The following OTOP1 variants were observed in gnomAD, a reference collection of about 807,000 sequenced individuals.
OTOP1 encodes proton channel OTOP1.
In OTOP1, 59 loss-of-function variants were observed where a neutral mutation model predicts 52.9. That is an observed-to-expected ratio of 1.12 (90% confidence interval 0.91 to 1.39). The LOEUF (loss-of-function observed/expected upper bound fraction) is 1.39. OTOP1 is among the 40% of genes most tolerant of loss of function. The pLI is 0.00. For synonymous variants in OTOP1, 317 were observed against 337.7 expected, an observed-to-expected ratio of 0.94 and a Z score of 0.67; for missense variants, 761 against 800.9, an observed-to-expected ratio of 0.95 and a Z score of 0.60.
intron 1 of OTOP1, among the ~76,000 whole-genome samples, chr4:4,216,752 G>A (rs539837304): frequency 1.3e-5 from 2 of 152,308 alleles, no homozygotes; most frequent in Non-Finnish European, 2.9e-5. Flanking sequence ...GAGGCAGCGT[G>A]GTTGAGTGGC....
chr4:4,208,058 A>G (rs1162651682), intron 2 of OTOP1, among the ~76,000 whole-genome samples: 1 of 152,122 alleles, frequency 6.6e-6, no homozygotes, highest in African/African-American at 2.4e-5. Flanking sequence ...CTACTAAGAT[A>G]AAAAAACGTC....
At chr4:4,225,891 G>C (rs1438497238) in intron 1 of OTOP1, among the ~76,000 whole-genome samples, 1 of 152,200 alleles carries the variant, frequency 6.6e-6, no homozygotes, top group Non-Finnish European at 1.5e-5. Context: ...GGAGAAGGGG[G>C]TCGGAGAAGC....
At chr4:4,220,097 A>ATTTTT (rs1560211564) in intron 1 of OTOP1, among the ~76,000 whole-genome samples, 1 of 98,222 alleles carries the variant, frequency 1.0e-5, no homozygotes, top group African/African-American at 5.6e-5. Context: ...ATATATATAT[A>ATTTTT]TATATATATT....
rs566809910 is a variant in OTOP1, at chr4:4,225,916, G to A, written c.403+546C>T. On this transcript the variant is annotated intron_variant, in intron 1 of 5. Coordinates refer to ENST00000296358, the MANE Select transcript of OTOP1 (RefSeq NM_177998.3). ...GTCGGAGAAGCTTCGCGGGGAGAAT[G>A]GGGTGAGGCCTGAGCCCTGTCTCGG... Among the ~76,000 whole-genome samples the A allele has an allele frequency of 1.6e-4, 25 of 152,310 alleles. No individual in the cohort carries two copies. The East Asian group carries it at 4.1e-3, about 25-fold the overall frequency.
intron 3 of OTOP1, among the ~76,000 whole-genome samples, chr4:4,203,249 A>G (rs761492157): frequency 5.9e-5 from 9 of 152,232 alleles, no homozygotes; most frequent in Non-Finnish European, 1.2e-4. Context: ...TGTGGACATG[A>G]AGGCTGGAGT....
intron 5 of OTOP1, among the ~76,000 whole-genome samples, chr4:4,191,361 G>T (rs990036626): frequency 1.3e-5 from 2 of 152,166 alleles, no homozygotes; most frequent in East Asian, 1.9e-4. Context: ...ACATTTCATG[G>T]AAATCAGATC....
chr4:4,225,055 A>C (rs1717397328), intron 1 of OTOP1, among the ~76,000 whole-genome samples: 1 of 152,246 alleles, frequency 6.6e-6, no homozygotes, highest in South Asian at 2.1e-4. Context: ...AACTTGCCCA[A>C]GGTCATGCAT....
chr4:4,198,220 G>A (rs192640110), intron 4 of OTOP1, 117 bp from the exon 5 acceptor site: 5 of 793,514 alleles, frequency 6.3e-6, no homozygotes, highest in African/African-American at 3.5e-5. Context: ...ACTGGATTAT[G>A]AGCTTTATCA....
At chr4:4,208,194 A>T (rs1363149123) in intron 2 of OTOP1, among the ~76,000 whole-genome samples, 1 of 152,224 alleles carries the variant, frequency 6.6e-6, no homozygotes, top group Non-Finnish European at 1.5e-5. Flanking sequence ...GAAATTCAAC[A>T]CAGCTATTTT....
At chr4:4,212,040 G>A (rs760178611) in intron 2 of OTOP1, among the ~76,000 whole-genome samples, 2 of 152,110 alleles carry the variant, frequency 1.3e-5, no homozygotes, top group Admixed American at 6.5e-5. Context: ...CTTGACTGTA[G>A]TAATCACTTC....
At chr4:4,226,338 C>G (rs957881845) in intron 1 of OTOP1, 124 bp downstream of exon 1, 4 of 989,996 alleles carry the variant, frequency 4.0e-6, no homozygotes, top group Non-Finnish European at 5.5e-6. Flanking sequence ...GAAAGATGCA[C>G]AGAGAGACCA....
chr4:4,220,867 A>T (rs1404962227), intron 1 of OTOP1, among the ~76,000 whole-genome samples: 1 of 151,992 alleles, frequency 6.6e-6, no homozygotes, highest in African/African-American at 2.4e-5. Flanking sequence ...TAGAGGTGGA[A>T]AGTCCCACAG....
intron 2 of OTOP1, among the ~76,000 whole-genome samples, chr4:4,207,620 AG>A (rs1716935705): frequency 6.6e-6 from 1 of 151,578 alleles, no homozygotes; most frequent in Admixed American, 6.6e-5. Flanking sequence ...TATATCCAAA[AG>A]AAGTGAAAGC....
Position 4,221,519 on chromosome 4 carries a change from C to A in OTOP1, c.403+4943G>T, listed in dbSNP as rs1271617189. The stretch of plus-strand genomic sequence containing the variant: ...AGCCTTCCTGCAGACCTGGGCTCCT[C>A]CCAGGCCCCTGGTTGCAGCCCTGCT... On this transcript the variant is annotated intron_variant, in intron 1 of 5. Transcript: ENST00000296358. Among the ~76,000 whole-genome samples, 4 of 152,194 alleles carry A rather than the reference C, an allele frequency of 2.6e-5. No homozygotes were observed. The East Asian group carries it at 5.8e-4, about 22-fold the overall frequency.
At chr4:4,202,690 G>C (rs1716816308) in intron 3 of OTOP1, 112 bp from the exon 4 acceptor site, 1 of 1,386,738 alleles carries the variant, frequency 7.2e-7, no homozygotes, top group Non-Finnish European at 9.9e-7. Context: ...CCATGATTCT[G>C]GTTTCACCTG....
chr4:4,192,092 T>C (rs993166939), intron 5 of OTOP1, among the ~76,000 whole-genome samples: 3 of 152,176 alleles, frequency 2.0e-5, no homozygotes, highest in African/African-American at 7.2e-5. Context: ...TGTGACTACA[T>C]GACTAATAAA....
chr4:4,191,725 C>A (rs1308871790), intron 5 of OTOP1, among the ~76,000 whole-genome samples: 1 of 152,208 alleles, frequency 6.6e-6, no homozygotes, highest in African/African-American at 2.4e-5. Context: ...CACTTCTCTG[C>A]TTAACACAGG....
At position 4,219,084 on chromosome 4, in the gene OTOP1, G is replaced by A. The variant is rs199574572; in HGVS notation, c.404-6080C>T. On this transcript the variant is annotated intron_variant, in intron 1 of 5. Transcript: ENST00000296358. The stretch of plus-strand genomic sequence containing the variant: ...AAAGGAGGAAATAGGAACGTAAAAT[G>A]TATCATCATAAACATCGTAAAGAAA... 7.9e-5 allele frequency among the ~76,000 whole-genome samples: 12 copies of A among 152,176 alleles called. No homozygotes were observed. The East Asian group carries it at 2.3e-3, about 29-fold the overall frequency.
intron 1 of OTOP1, 134 bp from the exon 2 acceptor site, chr4:4,213,138 G>T: frequency 8.6e-7 from 1 of 1,167,084 alleles, no homozygotes; most frequent in Admixed American, 2.6e-5. Flanking sequence ...AGGGTGCCGA[G>T]ACCATTCAAT....
Sources: allele counts gnomAD v4.1 joint callset (sites outside exome capture counted in the v4.1 genomes callset), GRCh38; gene constraint gnomAD v4.1.1; transcripts MANE v1.5; gene names NCBI Gene and HGNC (gene_info 2026-07-23, HGNC 2026-07-21).